The following CCND2 variants were observed in gnomAD, a reference collection of about 807,000 sequenced individuals.
The protein encoded by CCND2 is G1/S-specific cyclin-D2.
Under a neutral mutation model 30.2 loss-of-function variants are expected in CCND2, and 6 were observed. The observed-to-expected ratio is 0.20, with a 90% CI of 0.11 to 0.39. The LOEUF is 0.39. Among genes scored for constraint, CCND2 ranks in the 10% least tolerant of loss-of-function variants. The pLI is 1.00. For synonymous variants in CCND2, 150 were observed against 153.1 expected, an observed-to-expected ratio of 0.98 and a Z score of 0.15; for missense variants, 235 against 373.4, an observed-to-expected ratio of 0.63 and a Z score of 3.06.
rs558638310 is a variant in CCND2 at position 4,287,570 on chromosome 12, C to A, written c.572-1272C>A. ...TGGAAGACTTGCTGCACTCCAGGAC[C>A]GTCACTAGCGTGATGGCTGCAACTA... On this transcript the variant is annotated intron_variant, in intron 3 of 4. Transcript: ENST00000261254. The surrounding 1 kb of genome is among the most constrained non-coding windows in gnomAD (Gnocchi z 4.0). 1.3e-5 allele frequency among the ~76,000 whole-genome samples: 2 copies of A among 152,252 alleles called. No individual in the cohort carries two copies. Among genetic ancestry groups the A allele is most frequent in the South Asian group, 4.1e-4 (2 of 4,822 alleles).
At position 4,303,039 on chromosome 12, in the gene CCND2, G is replaced by A. The variant is rs763174057; in HGVS notation, c.*3030G>A. On this transcript the variant is annotated 3_prime_UTR_variant, in exon 5 of 5. Coordinates refer to ENST00000261254, the MANE Select transcript of CCND2 (RefSeq NM_001759.4). This position sits in a 1 kb window ranked among gnomAD's most constrained non-coding sequence, Gnocchi z 4.6. ...GAATCTTGGAGCCTAAAGAGAAACC[G>A]AGGTGCAAATTCATTTCATGGTGAC... is the stretch of plus-strand genomic sequence containing the variant. The A allele has an allele frequency of 4.7e-5, 11 of 233,224 alleles. No individual in the cohort carries two copies. Among genetic ancestry groups the A allele is most frequent in the Non-Finnish European group, 6.8e-5 (8 of 118,082 alleles). The allele number at this position is 233,224 out of a possible 1,614,324, so 14.4% of individuals were successfully genotyped here. A position where few individuals can be genotyped will look rare whatever the true frequency, so the allele number is the denominator to read the frequency against.
Position 4,300,023 on chromosome 12 carries a change from G to A in CCND2, c.*14G>A, listed in dbSNP as rs2120593787. The A allele has an allele frequency of 1.2e-6, 2 of 1,611,392 alleles. No homozygotes were observed. Among genetic ancestry groups the A allele is most frequent in the Non-Finnish European group, 8.5e-7 (1 of 1,178,454 alleles). On this transcript the variant is annotated 3_prime_UTR_variant, in exon 5 of 5. Coordinates refer to ENST00000261254, the MANE Select transcript of CCND2 (RefSeq NM_001759.4). ...ATCGACCTGTGAGGATGCCAGTTGG[G>A]CCGAAAGAGAGAGACGCGTCCATAA...
At position 4,300,943 on chromosome 12, in the gene CCND2, G is replaced by A. The variant is rs952669906; in HGVS notation, c.*934G>A. ...TGCTGATTGGCATGTCTGGTTCACA[G>A]TTTAGCATTGTTATAAACCATTCCA... is the stretch of plus-strand genomic sequence containing the variant. On this transcript the variant is annotated 3_prime_UTR_variant, in exon 5 of 5. Coordinates refer to ENST00000261254, the MANE Select transcript of CCND2 (RefSeq NM_001759.4). The A allele has an allele frequency of 1.3e-5, 3 of 233,608 alleles. No individual in the cohort carries two copies. The highest frequency in any genetic ancestry group is 6.6e-5 in the African/African-American group (3 of 45,350). 14.5% of individuals were successfully genotyped at this position (233,608 alleles called of 1,614,324 possible). A position where few individuals can be genotyped will look rare whatever the true frequency, so the allele number is the denominator to read the frequency against.
Position 4,303,512 on chromosome 12 carries a change from C to T in CCND2, c.*3503C>T, listed in dbSNP as rs921026342. On this transcript the variant is annotated 3_prime_UTR_variant, in exon 5 of 5. Coordinates refer to ENST00000261254, the MANE Select transcript of CCND2 (RefSeq NM_001759.4). The surrounding 1 kb of genome is among the most constrained non-coding windows in gnomAD (Gnocchi z 4.6). Reference sequence around the variant, plus strand: ...TGTGTTTCTATCTCGTCTTTACTTCCATCTGTTTGTTTTTTTCTCCATCAG... The same window carrying T: ...TGTGTTTCTATCTCGTCTTTACTTCTATCTGTTTGTTTTTTTCTCCATCAG... 4.3e-6 allele frequency: 1 copy of T among 233,648 alleles called. No individual in the cohort carries two copies. Among genetic ancestry groups the T allele is most frequent in the Non-Finnish European group, 8.5e-6 (1 of 118,068 alleles). The allele number at this position is 233,648 out of a possible 1,614,324, so 14.5% of individuals were successfully genotyped here.
intron 2 of CCND2, among the ~76,000 whole-genome samples, chr12:4,277,198 C>G (rs1321237346): frequency 2.6e-5 from 4 of 152,226 alleles, no homozygotes; most frequent in Non-Finnish European, 4.4e-5. Context: ...CACCTTTGAA[C>G]CGCTGCCAGG....
At chr12:4,290,621 C>T (rs1029087866) in intron 4 of CCND2, among the ~76,000 whole-genome samples, 1 of 151,482 alleles carries the variant, frequency 6.6e-6, no homozygotes, top group Non-Finnish European at 1.5e-5. Flanking sequence ...ACCTTTTCCC[C>T]CGATGTTGAT....
rs1176678823 is a variant in CCND2 at position 4,287,810 on chromosome 12, C to T, written c.572-1032C>T. Reference sequence around the variant, plus strand: ...GAAGTTGGCTGTCTTTATTTCCCCTCGATGGACCAAGCAGCTGCTGGATCA... The same window carrying T: ...GAAGTTGGCTGTCTTTATTTCCCCTTGATGGACCAAGCAGCTGCTGGATCA... On this transcript the variant is annotated intron_variant, in intron 3 of 4. Coordinates refer to ENST00000261254, the MANE Select transcript of CCND2 (RefSeq NM_001759.4). This position sits in a 1 kb window ranked among gnomAD's most constrained non-coding sequence, Gnocchi z 4.0. Among the ~76,000 whole-genome samples the T allele has an allele frequency of 1.3e-5, 2 of 152,162 alleles. No individual in the cohort carries two copies. The highest frequency in any genetic ancestry group is 2.4e-5 in the African/African-American group (1 of 41,428).
At chr12:4,286,535 G>A (rs1426232345) in intron 3 of CCND2, among the ~76,000 whole-genome samples, 1 of 152,200 alleles carries the variant, frequency 6.6e-6, no homozygotes, top group East Asian at 1.9e-4. Context: ...CGTCTCCAGC[G>A]GCGTCTCTCC....
intron 3 of CCND2, among the ~76,000 whole-genome samples, chr12:4,279,479 G>GAACCTGGTTGGCTT (rs1474185221): frequency 6.6e-6 from 1 of 152,050 alleles, no homozygotes; most frequent in East Asian, 1.9e-4. Context: ...GCGCGGGAGG[G>GAACCTGGTTGGCTT]AACCTGGTTG....
intron 1 of CCND2, 106 bp from the exon 2 acceptor site, chr12:4,275,899 T>A (rs1863865952): frequency 5.5e-6 from 4 of 721,700 alleles, no homozygotes; most frequent in East Asian, 2.6e-5. Context: ...CAAAAAAAAA[T>A]TAATTTTTTT....
intron 1 of CCND2, 109 bp from the exon 2 acceptor site, chr12:4,275,896 A>T: frequency 1.4e-6 from 1 of 712,862 alleles, no homozygotes; most frequent in Non-Finnish European, 2.3e-6. Flanking sequence ...CCACAAAAAA[A>T]AATTAATTTT....
At chr12:4,288,038 C>A (rs990683856) in intron 3 of CCND2, among the ~76,000 whole-genome samples, 4 of 152,172 alleles carry the variant, frequency 2.6e-5, no homozygotes, top group Admixed American at 2.6e-4. Flanking sequence ...AACATCGAAA[C>A]CGAGTCACCC....
chr12:4,284,191 C>G (rs909283543), intron 3 of CCND2, among the ~76,000 whole-genome samples: 60 of 152,190 alleles, frequency 3.9e-4, no homozygotes, highest in African/African-American at 1.4e-3. Context: ...GGCTGACATT[C>G]ATTGCTTACC....
intron 4 of CCND2, among the ~76,000 whole-genome samples, chr12:4,290,891 G>A (rs539569980): frequency 5.3e-4 from 80 of 152,330 alleles, no homozygotes; most frequent in Admixed American, 2.1e-3. Context: ...AAGTGGGTAC[G>A]AAGCTGGTTT....
rs1277485533 is a variant in CCND2, at chr12:4,287,725, C to T, written c.572-1117C>T. ...TGGCTGATGGGTAAATTAAACAGGA[C>T]GTAATGTGTAGCGTACTGCATGTGG... On this transcript the variant is annotated intron_variant, in intron 3 of 4. Transcript: ENST00000261254. This position sits in a 1 kb window ranked among gnomAD's most constrained non-coding sequence, Gnocchi z 4.0. 2.6e-5 allele frequency among the ~76,000 whole-genome samples: 4 copies of T among 152,166 alleles called. No individual in the cohort carries two copies. Among genetic ancestry groups the T allele is most frequent in the East Asian group, 1.9e-4 (1 of 5,198 alleles).
At chr12:4,297,774 G>A (rs1211445665) in intron 4 of CCND2, 4 of 424,926 alleles carry the variant, frequency 9.4e-6, no homozygotes, top group Admixed American at 5.1e-5. Flanking sequence ...GGTCGGACAG[G>A]GTAAGGGTAA....
chr12:4,280,873 G>A (rs1484384811), intron 3 of CCND2, among the ~76,000 whole-genome samples: 1 of 152,254 alleles, frequency 6.6e-6, no homozygotes, highest in African/African-American at 2.4e-5. Flanking sequence ...GGGGTGCTGG[G>A]TGGAGTTACC....
At position 4,273,840 on chromosome 12, in the gene CCND2, T is replaced by C. The variant is rs117697711; in HGVS notation, c.-201T>C. 3.1e-3 allele frequency: 1,881 copies of C among 608,862 alleles called. No homozygotes were observed. Among genetic ancestry groups the C allele is most frequent in the Non-Finnish European group, 4.6e-3 (1,577 of 345,958 alleles). 37.7% of individuals were successfully genotyped at this position (608,862 alleles called of 1,614,324 possible). On this transcript the variant is annotated 5_prime_UTR_variant, in exon 1 of 5. Transcript: ENST00000261254. The surrounding 1 kb of genome is among the most constrained non-coding windows in gnomAD (Gnocchi z 5.9). ...GGTGCGAGTGAGGCAGCCCCGAGGC[T>C]CTGCTCGCCCACCACCCAATCCTCG...
intron 3 of CCND2, among the ~76,000 whole-genome samples, chr12:4,281,145 G>T (rs1486404395): frequency 2.0e-5 from 3 of 152,224 alleles, no homozygotes; most frequent in Non-Finnish European, 2.9e-5. Context: ...AAAATGGTGT[G>T]CTAGGCACTA....
Sources: gnomAD v4.1 joint callset for allele counts (sites outside exome capture counted in the v4.1 genomes callset) on GRCh38, gnomAD v4.1.1 for gene constraint, Gnocchi (gnomAD v3.1) non-coding constraint, MANE v1.5 for transcripts, NCBI Gene and HGNC (gene_info 2026-07-23, HGNC 2026-07-21) for gene names.